Variants in SYNPR observed in about 807,000 individuals in gnomAD.
SYNPR encodes synaptoporin.
A neutral mutation model predicts 32.9 loss-of-function variants in SYNPR; 23 were observed. The ratio of observed to expected loss-of-function variants is 0.70; its 90% confidence interval spans 0.50 to 0.99. The LOEUF is 0.99. SYNPR is among the 50% of genes least tolerant of loss of function. SYNPR has a pLI of 0.00. For synonymous variants in SYNPR, 146 were observed against 135.9 expected (o/e 1.07, Z -0.52); for missense variants, 318 against 349.3 (o/e 0.91, Z 0.71).
chr3:63,554,840 C>T (rs892077965), intron 3 of SYNPR, among the ~76,000 whole-genome samples: 2 of 152,054 alleles, frequency 1.3e-5, no homozygotes, highest in African/African-American at 4.8e-5. Context: ...TCTTCCAATC[C>T]ATGAACATGG....
chr3:63,527,438 G>A (rs1184747248), intron 3 of SYNPR, among the ~76,000 whole-genome samples: 1 of 151,946 alleles, frequency 6.6e-6, no homozygotes, highest in Non-Finnish European at 1.5e-5. Context: ...TATGCAAGCA[G>A]CAATCAGTAG....
At chr3:63,346,748 G>A (rs562532067) in intron 2 of SYNPR, among the ~76,000 whole-genome samples, 1 of 152,272 alleles carries the variant, frequency 6.6e-6, no homozygotes, top group African/African-American at 2.4e-5. Flanking sequence ...TGGGATTACA[G>A]GCATGAGCCA....
At chr3:63,515,887 T>G (rs545322047) in intron 3 of SYNPR, among the ~76,000 whole-genome samples, 36 of 152,174 alleles carry the variant, frequency 2.4e-4, no homozygotes, top group Non-Finnish European at 4.6e-4. Context: ...AAATTATTTT[T>G]TTTACATTAT....
chr3:63,370,087 C>G (rs552933279), intron 2 of SYNPR, among the ~76,000 whole-genome samples: 26 of 152,258 alleles, frequency 1.7e-4, no homozygotes, highest in Non-Finnish European at 3.4e-4. Flanking sequence ...AATCCACATT[C>G]TTTCTGATTT....
intron 2 of SYNPR, among the ~76,000 whole-genome samples, chr3:63,368,055 AT>A (rs2087749120): frequency 6.6e-6 from 1 of 152,188 alleles, no homozygotes; most frequent in African/African-American, 2.4e-5. Context: ...CGAGACATTG[AT>A]TTTGGCAGCA....
chr3:63,433,702 G>A (rs1036037036), intron 2 of SYNPR, among the ~76,000 whole-genome samples: 17 of 152,104 alleles, frequency 1.1e-4, no homozygotes, highest in African/African-American at 3.4e-4. Flanking sequence ...CCCTGAATCC[G>A]AGGGTTCGGG....
Position 63,541,096 on chromosome 3 carries a change from G to T in SYNPR, c.210-15447G>T, listed in dbSNP as rs555265024. On this transcript the variant is annotated intron_variant, in intron 3 of 5. Coordinates refer to ENST00000478300, the MANE Select transcript of SYNPR (RefSeq NM_001130003.2). ...GCTGGGAGAACGATGGCCTCTGCTA[G>T]TCAGGGCTACTGAGCTGGTAAGTTG... 2.5e-3 allele frequency among the ~76,000 whole-genome samples: 385 copies of T among 151,874 alleles called. 1 individual carries two copies. The highest frequency in any genetic ancestry group is 4.5e-3 in the Non-Finnish European group (306 of 67,932).
At chr3:63,470,845 C>T (rs544749683) in intron 2 of SYNPR, among the ~76,000 whole-genome samples, 2 of 152,332 alleles carry the variant, frequency 1.3e-5, no homozygotes, top group African/African-American at 2.4e-5. Flanking sequence ...ATGACCCAGA[C>T]ATCATCAATA....
At chr3:63,308,497 G>C (rs1176476881) in intron 2 of SYNPR, among the ~76,000 whole-genome samples, 1 of 151,868 alleles carries the variant, frequency 6.6e-6, no homozygotes, top group Non-Finnish European at 1.5e-5. Flanking sequence ...TGTAGTGTAT[G>C]TCTGTTGGTG....
intron 2 of SYNPR, among the ~76,000 whole-genome samples, chr3:63,422,453 G>A (rs759635713): frequency 3.9e-5 from 6 of 152,118 alleles, no homozygotes; most frequent in Non-Finnish European, 8.8e-5. Context: ...TTGCAAAGAG[G>A]CACAAGGAAA....
At chr3:63,258,400 A>C (rs58518516) in intron 2 of SYNPR, among the ~76,000 whole-genome samples, 11,859 of 152,244 alleles carry the variant, frequency 0.078, 1,344 homozygotes, top group African/African-American at 0.25. Context: ...TCAAACTAGA[A>C]CTCAGGATTA....
intron 4 of SYNPR, 53 bp downstream of exon 4, chr3:63,556,794 A>G: frequency 6.6e-7 from 1 of 1,512,336 alleles, no homozygotes; most frequent in Non-Finnish European, 8.9e-7. Context: ...AATTTCTTTT[A>G]CTAATGCTTG....
intron 2 of SYNPR, among the ~76,000 whole-genome samples, chr3:63,470,502 A>G (rs568805046): frequency 6.6e-6 from 1 of 152,354 alleles, no homozygotes; most frequent in African/African-American, 2.4e-5. Flanking sequence ...AGTTCAATTT[A>G]GCTCATTGCA....
upstream of SYNPR, among the ~76,000 whole-genome samples, chr3:63,227,171 G>A (rs191925017): frequency 3.5e-4 from 53 of 152,296 alleles, no homozygotes; most frequent in African/African-American, 6.0e-4. Context: ...GGCTAGGGCC[G>A]GGCACATATA....
At chr3:63,496,718 T>C (rs529748206) in intron 3 of SYNPR, among the ~76,000 whole-genome samples, 9 of 152,310 alleles carry the variant, frequency 5.9e-5, no homozygotes, top group Admixed American at 5.2e-4. Context: ...TAGGCATCTG[T>C]ATTCCTGGCC....
At chr3:63,416,386 G>A (rs1256567483) in intron 2 of SYNPR, among the ~76,000 whole-genome samples, 4 of 152,046 alleles carry the variant, frequency 2.6e-5, no homozygotes, top group African/African-American at 7.2e-5. Flanking sequence ...AGAAAAATTA[G>A]CCAGGCGTGG....
At chr3:63,479,271 A>C (rs1272256918) in intron 2 of SYNPR, among the ~76,000 whole-genome samples, 1 of 152,210 alleles carries the variant, frequency 6.6e-6, no homozygotes, top group Non-Finnish European at 1.5e-5. Context: ...TGCTATTTAC[A>C]GTAATATTCG....
At chr3:63,208,774 G>A in the SYNPR span, among the ~76,000 whole-genome samples, 2 of 152,162 alleles carry the variant, frequency 1.3e-5, no homozygotes, top group South Asian at 4.1e-4. Flanking sequence ...GTCTTTCAAA[G>A]TCATCCTATA....
intron 3 of SYNPR, among the ~76,000 whole-genome samples, chr3:63,520,016 T>G (rs1453484665): frequency 6.6e-6 from 1 of 152,148 alleles, no homozygotes; most frequent in Non-Finnish European, 1.5e-5. Context: ...AACATATAAA[T>G]CTCCAAATTT....
Sources: allele counts gnomAD v4.1 joint callset (sites outside exome capture counted in the v4.1 genomes callset), GRCh38; gene constraint gnomAD v4.1.1; transcripts MANE v1.5; gene names NCBI Gene and HGNC (gene_info 2026-07-23, HGNC 2026-07-21).